Variants in PLD5 observed in about 807,000 individuals in gnomAD.
The protein encoded by PLD5 is phospholipase D family member 5.
In PLD5, 36 loss-of-function variants were observed where a neutral mutation model predicts 61.1. The ratio of observed to expected loss-of-function variants is 0.59; its 90% CI spans 0.45 to 0.78. The LOEUF (loss-of-function observed/expected upper bound fraction) is 0.78. Ranked by LOEUF, PLD5 falls within the 30% of genes least tolerant of loss-of-function variation. The pLI is 0.00. For missense variants in PLD5, 515 were observed against 644.4 expected (o/e 0.80, Z 2.17); for synonymous variants, 243 against 242.8 (o/e 1.00, Z -0.01).
intron 2 of PLD5, among the ~76,000 whole-genome samples, chr1:242,325,459 G>A (rs572104607): frequency 3.2e-4 from 45 of 139,098 alleles, no homozygotes; most frequent in Admixed American, 5.8e-4. Context: ...TTGGGAGAGA[G>A]GGACAGAGAG....
chr1:242,191,834 AG>A (rs1220051989), intron 5 of PLD5, among the ~76,000 whole-genome samples: 1 of 150,766 alleles, frequency 6.6e-6, no homozygotes, highest in Non-Finnish European at 1.5e-5. Flanking sequence ...GGAGGGAAGG[AG>A]GGGGTACAGA....
intron 7 of PLD5, among the ~76,000 whole-genome samples, chr1:242,108,313 TG>T (rs1224449509): frequency 6.6e-6 from 1 of 152,196 alleles, no homozygotes; most frequent in African/African-American, 2.4e-5. Context: ...TTTTCCCGAC[TG>T]TCTTACCGTG....
chr1:242,309,176 A>G (rs972488420), intron 2 of PLD5, among the ~76,000 whole-genome samples: 4 of 152,132 alleles, frequency 2.6e-5, no homozygotes, highest in Non-Finnish European at 4.4e-5. Context: ...GGGGTGCCCA[A>G]GGGAGAGAAC....
intron 1 of PLD5, among the ~76,000 whole-genome samples, chr1:242,387,079 T>C (rs1285693501): frequency 6.6e-6 from 1 of 152,230 alleles, no homozygotes; most frequent in Non-Finnish European, 1.5e-5. Context: ...GTAATCATTT[T>C]ACTTCTTTTG....
intron 4 of PLD5, among the ~76,000 whole-genome samples, chr1:242,226,096 A>C (rs1324360873): frequency 6.6e-6 from 1 of 152,240 alleles, no homozygotes; most frequent in Non-Finnish European, 1.5e-5. Flanking sequence ...CTGAGATCAG[A>C]AAATATCTTT....
At chr1:242,311,556 T>C (rs1676699165) in intron 2 of PLD5, among the ~76,000 whole-genome samples, 1 of 152,178 alleles carries the variant, frequency 6.6e-6, no homozygotes, top group South Asian at 2.1e-4. Context: ...CTTAGTTGTT[T>C]GGTTTCAGGC....
chr1:242,261,611 G>A (rs912964206), intron 4 of PLD5, among the ~76,000 whole-genome samples: 2 of 152,026 alleles, frequency 1.3e-5, no homozygotes, highest in African/African-American at 4.8e-5. Flanking sequence ...TCCAACAAAG[G>A]ATTCAAATCT....
chr1:242,480,205 A>G (rs1478384401), intron 1 of PLD5, among the ~76,000 whole-genome samples: 1 of 152,276 alleles, frequency 6.6e-6, no homozygotes, highest in East Asian at 1.9e-4. Flanking sequence ...GAATAGATCA[A>G]TACAACTATG....
At chr1:242,525,152 C>T (rs1669411205), upstream of PLD5, among the ~76,000 whole-genome samples, 1 of 152,164 alleles carries the variant, frequency 6.6e-6, no homozygotes, top group Admixed American at 6.5e-5. Context: ...CCCAGCATTC[C>T]CCCCTGAAAA....
At chr1:242,331,156 A>G (rs1659145550) in intron 2 of PLD5, among the ~76,000 whole-genome samples, 1 of 152,208 alleles carries the variant, frequency 6.6e-6, no homozygotes, top group African/African-American at 2.4e-5. Context: ...GCCAGCTGCC[A>G]GAAATGCAAA....
intron 4 of PLD5, among the ~76,000 whole-genome samples, chr1:242,239,969 T>C (rs534065655): frequency 3.1e-4 from 47 of 152,364 alleles, no homozygotes; most frequent in Admixed American, 2.9e-3. Flanking sequence ...CCTGGTGTTT[T>C]GTTCGTGGCT....
intron 1 of PLD5, among the ~76,000 whole-genome samples, chr1:242,380,766 A>C (rs1233090724): frequency 2.6e-5 from 4 of 152,228 alleles, no homozygotes; most frequent in African/African-American, 9.6e-5. Context: ...ACTTCTCAAA[A>C]GAAGACATTC....
intron 1 of PLD5, among the ~76,000 whole-genome samples, chr1:242,375,203 T>C (rs1661876343): frequency 6.6e-6 from 1 of 152,214 alleles, no homozygotes; most frequent in South Asian, 2.1e-4. Context: ...GAGGTTTGTG[T>C]ACGGCTGCAT....
chr1:242,464,552 A>G (rs1050384071), intron 1 of PLD5, among the ~76,000 whole-genome samples: 3 of 152,228 alleles, frequency 2.0e-5, no homozygotes, highest in African/African-American at 7.2e-5. Flanking sequence ...TCATTCTCTC[A>G]TTCTGGTGAG....
chr1:242,488,963 T>C (rs1668052758), intron 1 of PLD5, among the ~76,000 whole-genome samples: 1 of 152,146 alleles, frequency 6.6e-6, no homozygotes, highest in Non-Finnish European at 1.5e-5. Context: ...TGAATTCTAG[T>C]AATAGTAGCA....
At position 242,394,152 on chromosome 1, in the gene PLD5, ATATATATGAGTATATATATGTG is replaced by A. The variant is rs1407442193; in HGVS notation, c.190-45932_190-45911del. ...TATATATATGAGTATATATATGTGT[ATATATATGAGTATATATATGTG>A]TATATATGAGTATATATGAGTATAT... On this transcript the variant is annotated intron_variant, in intron 1 of 9. Coordinates refer to ENST00000536534, the MANE Select transcript of PLD5 (RefSeq NM_001372062.1). 2.4e-4 allele frequency among the ~76,000 whole-genome samples: 28 copies of A among 116,746 alleles called. 2 individuals are homozygous for A. Among genetic ancestry groups the A allele is most frequent in the Admixed American group, 1.0e-4 (1 of 9,720 alleles). 76.6% of individuals were successfully genotyped at this position (116,746 alleles called of 152,430 possible). A position where few individuals can be genotyped will look rare whatever the true frequency, so the allele number is the denominator to read the frequency against.
At chr1:242,155,612 G>A (rs1332053957) in intron 5 of PLD5, among the ~76,000 whole-genome samples, 1 of 152,090 alleles carries the variant, frequency 6.6e-6, no homozygotes, top group Non-Finnish European at 1.5e-5. Flanking sequence ...TATTTACCCA[G>A]TAGTCACTCA....
At chr1:242,271,276 A>G (rs1187031824) in intron 3 of PLD5, among the ~76,000 whole-genome samples, 4 of 150,584 alleles carry the variant, frequency 2.7e-5, no homozygotes, top group Non-Finnish European at 2.9e-5. Context: ...AAAGGCTGAT[A>G]TATAAATAGA....
At chr1:242,482,795 G>C (rs553330630) in intron 1 of PLD5, among the ~76,000 whole-genome samples, 1 of 152,298 alleles carries the variant, frequency 6.6e-6, no homozygotes, top group Non-Finnish European at 1.5e-5. Flanking sequence ...AAAATGTTAA[G>C]GGCAGCCAGA....
Sources: gnomAD v4.1 joint callset for allele counts (sites outside exome capture counted in the v4.1 genomes callset) on GRCh38, gnomAD v4.1.1 for gene constraint, MANE v1.5 for transcripts, NCBI Gene and HGNC (gene_info 2026-07-23, HGNC 2026-07-21) for gene names.